DNM3: variants seen among roughly 807,000 people sequenced by gnomAD.
DNM3 encodes the protein dynamin-3.
DNM3 carries 47 observed loss-of-function variants against 101.6 expected under a neutral mutation model. That is an observed-to-expected ratio of 0.46 (90% CI 0.37 to 0.59). The LOEUF (loss-of-function observed/expected upper bound fraction) is 0.59, where lower values mean the gene tolerates loss of function less well. DNM3 is among the 20% of genes least tolerant of loss of function. The pLI is 0.00. For synonymous variants in DNM3, 385 were observed against 387.9 expected, an observed-to-expected ratio of 0.99 and a Z score of 0.09; for missense variants, 849 against 1,085.7, an observed-to-expected ratio of 0.78 and a Z score of 3.06.
chr1:172,084,491 CCTTTCCATT>C (rs1418767344), intron 12 of DNM3, among the ~76,000 whole-genome samples: 36 of 152,176 alleles, frequency 2.4e-4, no homozygotes, highest in African/African-American at 7.9e-4. Flanking sequence ...AGATAAATGT[CCTTTCCATT>C]TGTATGTCGA....
intron 7 of DNM3, among the ~76,000 whole-genome samples, chr1:172,038,690 T>A (rs2125825727): frequency 6.6e-6 from 1 of 152,296 alleles, no homozygotes; most frequent in East Asian, 1.9e-4. Flanking sequence ...CCATTTAAAT[T>A]GTGTTTTTAA....
chr1:172,020,596 G>A (rs1233125981), intron 4 of DNM3, among the ~76,000 whole-genome samples: 4 of 151,698 alleles, frequency 2.6e-5, no homozygotes, highest in Non-Finnish European at 4.4e-5. Flanking sequence ...GGTGGCGGGC[G>A]CCTGTAGTTC....
At chr1:171,844,389 T>C (rs1185475010) in intron 1 of DNM3, among the ~76,000 whole-genome samples, 1 of 152,228 alleles carries the variant, frequency 6.6e-6, no homozygotes. Context: ...GTAAATTCAT[T>C]GTGTTTGCTC....
chr1:172,055,651 A>T (rs1433230403), intron 10 of DNM3, among the ~76,000 whole-genome samples: 1 of 152,166 alleles, frequency 6.6e-6, no homozygotes, highest in East Asian at 1.9e-4. Context: ...TTCAACAATG[A>T]TTATTGAATG....
intron 14 of DNM3, among the ~76,000 whole-genome samples, chr1:172,200,316 G>T (rs764496736): frequency 6.6e-6 from 1 of 152,058 alleles, no homozygotes; most frequent in Non-Finnish European, 1.5e-5. Context: ...GACCTGCCCT[G>T]TCTCTCTAGT....
intron 4 of DNM3, among the ~76,000 whole-genome samples, chr1:172,023,001 T>C (rs1053740444): frequency 2.0e-5 from 3 of 152,186 alleles, no homozygotes; most frequent in African/African-American, 7.2e-5. Flanking sequence ...TTTTTTGAGG[T>C]TGATAATTAT....
At chr1:171,927,766 T>A (rs1049619902) in intron 2 of DNM3, among the ~76,000 whole-genome samples, 2 of 152,248 alleles carry the variant, frequency 1.3e-5, no homozygotes, top group Admixed American at 1.3e-4. Context: ...TTAGTTTCCT[T>A]GGATTGGGTT....
chr1:172,054,311 G>T (rs1318026309), intron 10 of DNM3, among the ~76,000 whole-genome samples: 1 of 152,204 alleles, frequency 6.6e-6, no homozygotes, highest in African/African-American at 2.4e-5. Context: ...TCTCACTGTT[G>T]TCTCTGGGGC....
chr1:172,033,371 A>T lies in DNM3; in HGVS notation c.849+106A>T, dbSNP rs114117525. On this transcript the variant is annotated intron_variant, in intron 6 of 20. Transcript: ENST00000627582. ...TTTATTTTTTTTTCCAAAACAAGAC[A>T]TGCAGCTTCAATGATAGGGATTTTA... 1.6e-3 allele frequency: 1,989 copies of T among 1,225,232 alleles called. 28 individuals carry two copies. The African/African-American group carries it at 0.025, about 16-fold the overall frequency. The allele number at this position is 1,225,232 out of a possible 1,614,324, so 75.9% of individuals were successfully genotyped here.
chr1:171,949,461 G>A (rs1443575939), intron 2 of DNM3, among the ~76,000 whole-genome samples: 8 of 152,194 alleles, frequency 5.3e-5, no homozygotes, highest in Admixed American at 3.3e-4. Context: ...CCAAGCTGGA[G>A]TGCAGTAAAA....
At chr1:171,947,043 T>C (rs921225000) in intron 2 of DNM3, among the ~76,000 whole-genome samples, 1 of 152,148 alleles carries the variant, frequency 6.6e-6, no homozygotes, top group Admixed American at 6.6e-5. Context: ...AAACAAACGA[T>C]ATGCAAACCA....
At chr1:172,035,145 G>A (rs538791170) in intron 6 of DNM3, among the ~76,000 whole-genome samples, 1 of 152,236 alleles carries the variant, frequency 6.6e-6, no homozygotes, top group South Asian at 2.1e-4. Flanking sequence ...TAGAGCTGTT[G>A]GGTAATGGGA....
At chr1:172,354,297 A>C (rs1378164055) in intron 17 of DNM3, among the ~76,000 whole-genome samples, 1 of 152,108 alleles carries the variant, frequency 6.6e-6, no homozygotes, top group African/African-American at 2.4e-5. Context: ...ATTTATTGGG[A>C]GAAAAGGAAA....
At chr1:172,159,015 GTA>G (rs1435370471) in intron 14 of DNM3, among the ~76,000 whole-genome samples, 2 of 151,970 alleles carry the variant, frequency 1.3e-5, no homozygotes, top group African/African-American at 2.4e-5. Flanking sequence ...TTGCTGCTAT[GTA>G]TGTATGATCA....
In DNM3 at chr1:172,392,404, G is replaced by A. The variant is rs150704257; in HGVS notation, c.2522+3595G>A. On this transcript the variant is annotated intron_variant, in intron 20 of 20. Transcript: ENST00000627582. Reference sequence around the variant, plus strand: ...AACTTCTCTGAAGGGGCTAAATGCTGTTTGAAAATCCAATCCAGTGTGTAT... The same window carrying A: ...AACTTCTCTGAAGGGGCTAAATGCTATTTGAAAATCCAATCCAGTGTGTAT... Among the ~76,000 whole-genome samples, 5 of 130,356 alleles carry A rather than the reference G, an allele frequency of 3.8e-5. No individual in the cohort carries two copies. In the East Asian group the frequency reaches 9.8e-4, roughly 26 times the overall value. The allele number at this position is 130,356 out of a possible 152,430, so 85.5% of individuals were successfully genotyped here. A position where few individuals can be genotyped will look rare whatever the true frequency, so the allele number is the denominator to read the frequency against.
chr1:172,217,311 A>T (rs1209961496), intron 14 of DNM3, among the ~76,000 whole-genome samples: 1 of 152,162 alleles, frequency 6.6e-6, no homozygotes, highest in African/African-American at 2.4e-5. Context: ...CAACAGCACT[A>T]AAAAGCTACT....
chr1:172,411,168 T>A lies in DNM3; in HGVS notation c.*3327T>A, dbSNP rs1573793672. Reference sequence around the variant, plus strand: ...GTATGTGTGGTATCAGGATATTTTTTAAACTGTGATAATACAACAGATAGC... The same window carrying A: ...GTATGTGTGGTATCAGGATATTTTTAAAACTGTGATAATACAACAGATAGC... On this transcript the variant is annotated 3_prime_UTR_variant, in exon 21 of 21. Transcript: ENST00000627582. 1 of 985,242 alleles carries A rather than the reference T, an allele frequency of 1.0e-6. No individual in the cohort carries two copies. Among genetic ancestry groups the A allele is most frequent in the African/African-American group, 1.7e-5 (1 of 57,346 alleles). 61.0% of individuals were successfully genotyped at this position (985,242 alleles called of 1,614,324 possible). A position where few individuals can be genotyped will look rare whatever the true frequency, so the allele number is the denominator to read the frequency against.
At chr1:172,403,876 C>G in intron 20 of DNM3, among the ~76,000 whole-genome samples, 1 of 152,134 alleles carries the variant, frequency 6.6e-6, no homozygotes, top group Non-Finnish European at 1.5e-5. Flanking sequence ...CCAAAACAAA[C>G]TGTCTTGTGA....
chr1:171,913,553 C>T (rs747807845), intron 1 of DNM3, among the ~76,000 whole-genome samples: 6 of 152,080 alleles, frequency 3.9e-5, no homozygotes, highest in South Asian at 2.1e-4. Flanking sequence ...GCAAAGTTCC[C>T]GGATTTGGGC....
Sources: allele counts gnomAD v4.1 joint callset (sites outside exome capture counted in the v4.1 genomes callset), GRCh38; gene constraint gnomAD v4.1.1; transcripts MANE v1.5; gene names NCBI Gene and HGNC (gene_info 2026-07-23, HGNC 2026-07-21).